Variants in FOXP2 observed in about 807,000 individuals in gnomAD.
The protein encoded by FOXP2 is forkhead box P2.
Under a neutral mutation model 115.8 loss-of-function variants are expected in FOXP2, and 12 were observed. That is an observed-to-expected ratio of 0.10 (90% CI 0.07 to 0.17). The LOEUF is 0.17. Among genes scored for constraint, FOXP2 ranks in the 10% least tolerant of loss-of-function variants. The pLI is 1.00. For synonymous variants in FOXP2, 328 were observed against 297.7 expected (o/e 1.10, Z -1.05); for missense variants, 629 against 843.5 (o/e 0.75, Z 3.15).
At chr7:114,299,628 A>G (rs1430446465) in intron 2 of FOXP2, among the ~76,000 whole-genome samples, 1 of 152,040 alleles carries the variant, frequency 6.6e-6, no homozygotes, top group Non-Finnish European at 1.5e-5. Flanking sequence ...GTAACTTTCT[A>G]TTTAATATAT....
chr7:114,623,667 G>A (rs1385545436), intron 3 of FOXP2, among the ~76,000 whole-genome samples: 1 of 151,836 alleles, frequency 6.6e-6, no homozygotes, highest in East Asian at 1.9e-4. Flanking sequence ...TGAAATATTT[G>A]TCTGTAACTA....
chr7:114,688,208 TACACACACACACACAC>T (rs56751704), intron 16 of FOXP2, among the ~76,000 whole-genome samples: 7 of 115,334 alleles, frequency 6.1e-5, no homozygotes, highest in Admixed American at 9.5e-5. Flanking sequence ...CATACATGCA[TACACACACACACACAC>T]ACACACACAC....
chr7:114,315,205 G>A (rs1254681486), intron 2 of FOXP2, among the ~76,000 whole-genome samples: 3 of 152,072 alleles, frequency 2.0e-5, no homozygotes, highest in African/African-American at 7.2e-5. Flanking sequence ...GAATTTAATA[G>A]GCAATGGAAG....
At chr7:114,629,598 T>C in intron 4 of FOXP2, 4 of 1,552,320 alleles carry the variant, frequency 2.6e-6, no homozygotes, top group Non-Finnish European at 3.5e-6. Flanking sequence ...TTAGGATTTT[T>C]TGGATTCTGG....
chr7:114,153,755 CTCTT>C (rs201465456), intron 1 of FOXP2, among the ~76,000 whole-genome samples: 2,686 of 152,182 alleles, frequency 0.018, 33 homozygotes, highest in Non-Finnish European at 0.027. Flanking sequence ...TGATTTGTAG[CTCTT>C]TCTTTTCACA....
intron 2 of FOXP2, among the ~76,000 whole-genome samples, chr7:114,292,858 CT>C (rs1796641929): frequency 1.3e-5 from 2 of 152,166 alleles, no homozygotes; most frequent in South Asian, 4.1e-4. Context: ...AAAACACCTT[CT>C]TGATTTAGAA....
At chr7:114,257,451 C>CTTTTTTTT (rs35852445) in intron 1 of FOXP2, among the ~76,000 whole-genome samples, 4 of 92,190 alleles carry the variant, frequency 4.3e-5, no homozygotes, top group African/African-American at 1.3e-4. Context: ...TCTTTTCTTT[C>CTTTTTTTT]TTTTTTTTTT....
At chr7:114,586,392 T>A (rs1802130249) in intron 3 of FOXP2, among the ~76,000 whole-genome samples, 1 of 152,104 alleles carries the variant, frequency 6.6e-6, no homozygotes, top group South Asian at 2.1e-4. Context: ...TGTAATGTGA[T>A]TTATTGGAAG....
intron 16 of FOXP2, among the ~76,000 whole-genome samples, chr7:114,678,547 C>CTTTTTTTTTTTTTTTTTT (rs35525759): frequency 2.1e-5 from 1 of 48,390 alleles, no homozygotes; most frequent in Non-Finnish European, 4.0e-5. Context: ...ATAAGTGACT[C>CTTTTTTTTTTTTTTTTTT]TTTTTTTTTT....
At chr7:114,664,886 T>G in intron 16 of FOXP2, 1 of 193,722 alleles carries the variant, frequency 5.2e-6, no homozygotes, top group South Asian at 9.5e-5. Context: ...AAAGTTTAAC[T>G]GTTACCCACA....
At chr7:114,605,521 A>C (rs950080243) in intron 3 of FOXP2, among the ~76,000 whole-genome samples, 1 of 152,172 alleles carries the variant, frequency 6.6e-6, no homozygotes, top group African/African-American at 2.4e-5. Context: ...TAAATGTAAT[A>C]GAAGGGAAAA....
chr7:114,375,862 A>G (rs1283766844), intron 2 of FOXP2, among the ~76,000 whole-genome samples: 2 of 152,196 alleles, frequency 1.3e-5, no homozygotes, highest in Non-Finnish European at 1.5e-5. Context: ...TGTATTGACT[A>G]AAACAAGATA....
chr7:114,294,909 T>TAC (rs1243069329), intron 2 of FOXP2, among the ~76,000 whole-genome samples: 280 of 151,972 alleles, frequency 1.8e-3, no homozygotes, highest in African/African-American at 4.6e-3. Context: ...CATGCATGCA[T>TAC]ATATACATAC....
intron 1 of FOXP2, among the ~76,000 whole-genome samples, chr7:114,145,436 CTTT>C (rs1554421626): frequency 0.01 from 280 of 27,198 alleles, no homozygotes; most frequent in Admixed American, 0.018. Flanking sequence ...GCCATTTTTT[CTTT>C]TCTTTTCTTT....
At chr7:114,457,460 C>T (rs1461251953) in intron 2 of FOXP2, among the ~76,000 whole-genome samples, 2 of 151,948 alleles carry the variant, frequency 1.3e-5, no homozygotes, top group Non-Finnish European at 2.9e-5. Flanking sequence ...TCAGCTGTCT[C>T]CTGTAAAAGG....
At chr7:114,261,756 A>G (rs192127183) in intron 1 of FOXP2, among the ~76,000 whole-genome samples, 20 of 152,318 alleles carry the variant, frequency 1.3e-4, no homozygotes, top group Admixed American at 2.0e-4. Flanking sequence ...AGAATACATT[A>G]TCTTCTATCC....
upstream of FOXP2, among the ~76,000 whole-genome samples, chr7:114,160,181 AG>A (rs1053662184): frequency 3.3e-5 from 5 of 152,142 alleles, no homozygotes; most frequent in Non-Finnish European, 5.9e-5. Context: ...CTTTGAGGAA[AG>A]GGGGCTTTGA....
intron 2 of FOXP2, among the ~76,000 whole-genome samples, chr7:114,493,885 T>A (rs147376237): frequency 1.3e-5 from 2 of 152,084 alleles, no homozygotes; most frequent in East Asian, 3.9e-4. Context: ...AAAGTAGTCT[T>A]TTCTGACAGG....
chr7:114,558,728 T>G (rs927697658), intron 3 of FOXP2, among the ~76,000 whole-genome samples: 4 of 152,184 alleles, frequency 2.6e-5, no homozygotes, highest in African/African-American at 9.6e-5. Flanking sequence ...TCATCTGCCC[T>G]GTAAGAACCC....
Sources: allele counts gnomAD v4.1 joint callset (sites outside exome capture counted in the v4.1 genomes callset), GRCh38; gene constraint gnomAD v4.1.1; transcripts MANE v1.5; gene names NCBI Gene and HGNC (gene_info 2026-07-23, HGNC 2026-07-21).